Variants in RC3H1 observed in about 807,000 individuals in gnomAD.
The protein encoded by RC3H1 is roquin-1.
Under a neutral mutation model 138.2 loss-of-function variants are expected in RC3H1, and 50 were observed. The observed-to-expected ratio is 0.36, with a 90% CI of 0.29 to 0.46. The LOEUF is 0.46. Ranked by LOEUF, RC3H1 falls within the 20% of genes least tolerant of loss-of-function variation. The probability of loss-of-function intolerance (pLI) is 1.00; values close to 1 mark genes in which losing one functional copy is unlikely to be tolerated. For synonymous variants in RC3H1, 462 were observed against 489.1 expected, an observed-to-expected ratio of 0.94 and a Z score of 0.73; for missense variants, 1,031 against 1,388.1, an observed-to-expected ratio of 0.74 and a Z score of 4.09.
intron 1 of RC3H1, among the ~76,000 whole-genome samples, chr1:174,002,020 C>T (rs1661573268): frequency 6.6e-6 from 1 of 151,728 alleles, no homozygotes; most frequent in African/African-American, 2.4e-5. Context: ...ATCTTAACTG[C>T]TTTTAAATTA....
chr1:173,964,903 A>T lies in RC3H1; in HGVS notation c.1552T>A (p.Ser518Thr), dbSNP rs772971278. 4.5e-5 allele frequency: 73 copies of T among 1,614,066 alleles called. No individual in the cohort carries two copies. Among genetic ancestry groups the T allele is most frequent in the Non-Finnish European group, 5.8e-5 (69 of 1,180,026 alleles). ...IPRGTDPSYD[S>T]SLKPGKIDHL... The stretch of plus-strand genomic sequence containing the variant: ...TCTATTTTTCCTGGTTTCAGACTAG[A>T]ATCATAGCTGGGGTCTGTCCCTCGC... Residue 518 changes from serine (S) to threonine (T), a missense_variant, in exon 10 of 20, where the codon TCT (serine) becomes ACT (threonine). Around this residue, in one of 7 missense-constraint regions of RC3H1, gnomAD observed 716 missense variants for 837.9 expected, o/e 0.85. Coordinates refer to ENST00000367696, the MANE Select transcript of RC3H1 (RefSeq NM_172071.4).
At position 173,961,075 on chromosome 1, in the gene RC3H1, A is replaced by G; in HGVS notation, c.2370+2T>C. ...AAATGAGACTAAAAATGATTTGCTT[A>G]CTTCTTCCGGATGAAAGGTAGGAGG... On this transcript the variant is annotated splice_donor_variant, in intron 13 of 19. Transcript: ENST00000367696. LOFTEE classifies it high-confidence loss of function. 1 of 1,612,156 alleles carries G rather than the reference A, an allele frequency of 6.2e-7. No homozygotes were observed. Among genetic ancestry groups the G allele is most frequent in the South Asian group, 1.1e-5 (1 of 90,804 alleles).
intron 8 of RC3H1, 91 bp from the exon 9 acceptor site, chr1:173,970,708 G>A (rs1571205609): frequency 1.3e-6 from 1 of 755,370 alleles, no homozygotes; most frequent in Admixed American, 2.7e-5. Flanking sequence ...TGATAATCTA[G>A]ATAAGTAATT....
At chr1:173,983,742 G>T in intron 3 of RC3H1, 85 bp from the exon 4 acceptor site, 1 of 1,382,460 alleles carries the variant, frequency 7.2e-7, no homozygotes. Flanking sequence ...TTAACTTGTG[G>T]GTATGTGACT....
At chr1:174,007,402 AATC>A (rs1327715072) in intron 1 of RC3H1, among the ~76,000 whole-genome samples, 1 of 152,018 alleles carries the variant, frequency 6.6e-6, no homozygotes, top group East Asian at 1.9e-4. Flanking sequence ...AAAAAAAAAA[AATC>A]TATATAACGG....
rs1296560752 is a variant in RC3H1, at chr1:173,964,187, C to T, written c.1617G>A (p.Leu539=). 1 of 1,604,022 alleles carries T rather than the reference C, an allele frequency of 6.2e-7. No homozygotes were observed. Among genetic ancestry groups the T allele is most frequent in the Admixed American group, 1.7e-5 (1 of 59,972 alleles). The change falls in exon 11 of 20, where the codon CTG becomes CTA. Residue 539 remains leucine, a splice_region_variant and synonymous_variant. Transcript: ENST00000367696. ...SSSAPGSPPD[L]LESVPKSISA... is the part of the protein sequence containing the mutation. ...AAATACTCTTAGGAACAGATTCTAG[C>T]CTAAGGGAATAATATTATGGAAGTT...
At chr1:173,994,508 A>C (rs972565975) in intron 1 of RC3H1, among the ~76,000 whole-genome samples, 2 of 152,122 alleles carry the variant, frequency 1.3e-5, no homozygotes, top group Non-Finnish European at 2.9e-5. Context: ...GACTCATACA[A>C]ATTTTTCAGG....
At chr1:173,973,944 A>C (rs1408790354) in intron 7 of RC3H1, among the ~76,000 whole-genome samples, 1 of 152,222 alleles carries the variant, frequency 6.6e-6, no homozygotes, top group Admixed American at 6.5e-5. Flanking sequence ...GAGCCAGATA[A>C]TAACCAAGAC....
At chr1:173,990,649 T>C (rs1022961980) in intron 2 of RC3H1, among the ~76,000 whole-genome samples, 5 of 151,220 alleles carry the variant, frequency 3.3e-5, no homozygotes, top group African/African-American at 9.7e-5. Flanking sequence ...CTCGGCTCAC[T>C]GCAAGCTCCG....
At chr1:173,957,426 C>G (rs1659694426) in intron 13 of RC3H1, among the ~76,000 whole-genome samples, 1 of 152,078 alleles carries the variant, frequency 6.6e-6, no homozygotes, top group Non-Finnish European at 1.5e-5. Flanking sequence ...TGTTTGATAC[C>G]AAAAACTGCT....
intron 10 of RC3H1, among the ~76,000 whole-genome samples, chr1:173,964,399 GCT>G (rs1222603313): frequency 1.3e-5 from 2 of 151,070 alleles, no homozygotes; most frequent in Non-Finnish European, 1.5e-5. Flanking sequence ...TTGCTCTGTC[GCT>G]CTGTCACCCA....
intron 1 of RC3H1, among the ~76,000 whole-genome samples, chr1:174,000,706 T>G (rs1289617459): frequency 6.6e-6 from 1 of 152,314 alleles, no homozygotes; most frequent in African/African-American, 2.4e-5. Context: ...GCAACCAGCA[T>G]GTAGGGCCAC....
rs534822802 is a variant in RC3H1, at chr1:173,982,614, C to T, written c.768+113G>A. 1.0e-5 allele frequency: 9 copies of T among 878,362 alleles called. No homozygotes were observed. In the South Asian group the frequency reaches 1.8e-4, roughly 17 times the overall value. The allele number at this position is 878,362 out of a possible 1,614,324, so 54.4% of individuals were successfully genotyped here. A position where few individuals can be genotyped will look rare whatever the true frequency, so the allele number is the denominator to read the frequency against. ...TCTTTAAAAGAATAAAGAAAAATTG[C>T]TGAGATTTTCTGAAAAGATACAGGC... On this transcript the variant is annotated intron_variant, in intron 5 of 19. Coordinates refer to ENST00000367696, the MANE Select transcript of RC3H1 (RefSeq NM_172071.4).
chr1:173,952,838 T>C (rs1432556247), intron 13 of RC3H1, among the ~76,000 whole-genome samples: 1 of 152,220 alleles, frequency 6.6e-6, no homozygotes, highest in African/African-American at 2.4e-5. Flanking sequence ...CAAAGTGTTT[T>C]CATGTATACT....
At chr1:173,947,245 G>T in intron 15 of RC3H1, 124 bp downstream of exon 15, 1 of 680,658 alleles carries the variant, frequency 1.5e-6, no homozygotes, top group Non-Finnish European at 2.5e-6. Flanking sequence ...ATGATTCCAT[G>T]GAAAGTTTGA....
chr1:173,952,526 T>C (rs1433233421), intron 13 of RC3H1, among the ~76,000 whole-genome samples: 8 of 151,908 alleles, frequency 5.3e-5, no homozygotes, highest in Non-Finnish European at 1.5e-5. Flanking sequence ...TACCAAGCCA[T>C]AGTTTTGCTA....
intron 7 of RC3H1, among the ~76,000 whole-genome samples, chr1:173,975,537 T>A: frequency 6.6e-6 from 1 of 152,176 alleles, no homozygotes. Flanking sequence ...TATGTCTTCA[T>A]ACAAATGCAT....
chr1:173,983,128 ACTT>A (rs1021067962), intron 4 of RC3H1: 1 of 477,802 alleles, frequency 2.1e-6, no homozygotes. Context: ...TTTAAGAAAA[ACTT>A]CTATCAAAAT....
intron 19 of RC3H1, among the ~76,000 whole-genome samples, chr1:173,940,547 C>CAATTTTAAAATTTAAAA (rs1658806834): frequency 1.4e-5 from 2 of 146,132 alleles, no homozygotes; most frequent in South Asian, 4.5e-4. Context: ...GAATTACAGG[C>CAATTTTAAAATTTAAAA]AATTTTAAAA....
Sources: allele counts gnomAD v4.1 joint callset (sites outside exome capture counted in the v4.1 genomes callset), GRCh38; gene constraint gnomAD v4.1.1; regional missense constraint gnomAD v4.1.1; transcripts MANE v1.5; gene names NCBI Gene and HGNC (gene_info 2026-07-23, HGNC 2026-07-21).